The following TGFBR3 variants were observed in gnomAD, a reference collection of about 807,000 sequenced individuals.
TGFBR3 encodes transforming growth factor beta receptor 3.
In TGFBR3, 46 loss-of-function variants were observed where a neutral mutation model predicts 87.9. The ratio of observed to expected loss-of-function variants is 0.52; its 90% CI spans 0.41 to 0.67. The LOEUF (loss-of-function observed/expected upper bound fraction) is 0.67. TGFBR3 is among the 30% of genes least tolerant of loss of function. The probability of loss-of-function intolerance (pLI) is 0.00; values close to 1 mark genes in which losing one functional copy is unlikely to be tolerated. For missense variants in TGFBR3, 866 were observed against 1,041.9 expected, an observed-to-expected ratio of 0.83 and a Z score of 2.32; for synonymous variants, 381 against 391.6, an observed-to-expected ratio of 0.97 and a Z score of 0.32.
chr1:91,721,494 C>T (rs1016621882), intron 8 of TGFBR3, among the ~76,000 whole-genome samples: 2 of 152,122 alleles, frequency 1.3e-5, no homozygotes, highest in Non-Finnish European at 2.9e-5. Context: ...CAGAAAACCT[C>T]AAGAATTTGT....
chr1:91,833,683 G>A (rs1396307444), intron 2 of TGFBR3, among the ~76,000 whole-genome samples: 4 of 151,684 alleles, frequency 2.6e-5, no homozygotes, highest in Non-Finnish European at 5.9e-5. Flanking sequence ...GAGGCCTTGA[G>A]GCAGGAGAAT....
intron 2 of TGFBR3, among the ~76,000 whole-genome samples, chr1:91,858,826 G>C (rs1261639818): frequency 6.6e-6 from 1 of 151,648 alleles, no homozygotes; most frequent in Non-Finnish European, 1.5e-5. Context: ...GAGGCTGAAG[G>C]GGGTGGATCA....
intron 1 of TGFBR3, among the ~76,000 whole-genome samples, chr1:91,865,302 T>TCA (rs1429927834): frequency 1.3e-5 from 2 of 149,750 alleles, no homozygotes; most frequent in African/African-American, 5.0e-5. Flanking sequence ...AAACTTGCTT[T>TCA]CACTTAAAAA....
At chr1:91,819,788 C>T (rs184807718) in intron 2 of TGFBR3, among the ~76,000 whole-genome samples, 65 of 152,232 alleles carry the variant, frequency 4.3e-4, no homozygotes, top group Admixed American at 1.0e-3. Context: ...TCTGCTCATG[C>T]GATGATTTCA....
At chr1:91,723,218 A>G (rs1672429204) in intron 7 of TGFBR3, among the ~76,000 whole-genome samples, 1 of 152,118 alleles carries the variant, frequency 6.6e-6, no homozygotes, top group Non-Finnish European at 1.5e-5. Context: ...GCAATACTTC[A>G]CACCTATAAT....
chr1:91,758,188 C>T (rs1040012527), intron 4 of TGFBR3, among the ~76,000 whole-genome samples: 1 of 152,072 alleles, frequency 6.6e-6, no homozygotes, highest in Admixed American at 6.6e-5. Context: ...ACAAACAGAT[C>T]CTCATATCAG....
intron 14 of TGFBR3, 113 bp downstream of exon 14, chr1:91,708,550 A>G: frequency 6.4e-7 from 1 of 1,551,784 alleles, no homozygotes; most frequent in Non-Finnish European, 8.8e-7. Flanking sequence ...TAAAGTAACT[A>G]ACTGGCCCTT....
intron 4 of TGFBR3, among the ~76,000 whole-genome samples, chr1:91,746,911 C>G (rs1673369854): frequency 6.6e-6 from 1 of 152,172 alleles, no homozygotes; most frequent in Admixed American, 6.5e-5. Flanking sequence ...GAAGAGTCAG[C>G]TACCAGGCTC....
At chr1:91,846,212 G>A (rs751937907) in intron 2 of TGFBR3, among the ~76,000 whole-genome samples, 12 of 152,160 alleles carry the variant, frequency 7.9e-5, no homozygotes, top group Non-Finnish European at 1.6e-4. Flanking sequence ...TCTCTGTACC[G>A]TCTCTCTGCC....
chr1:91,831,754 G>A (rs1676863050), intron 2 of TGFBR3, among the ~76,000 whole-genome samples: 1 of 152,220 alleles, frequency 6.6e-6, no homozygotes, highest in Non-Finnish European at 1.5e-5. Flanking sequence ...ACAAAGTAAT[G>A]TGTTTCCTTT....
At chr1:91,905,055 C>T (rs768838918) in intron 1 of TGFBR3, among the ~76,000 whole-genome samples, 17 of 152,018 alleles carry the variant, frequency 1.1e-4, no homozygotes, top group South Asian at 4.2e-4. Flanking sequence ...GATTTCTGGG[C>T]GAATTAAATA....
At chr1:91,741,429 C>A (rs1673155971) in intron 4 of TGFBR3, among the ~76,000 whole-genome samples, 2 of 152,170 alleles carry the variant, frequency 1.3e-5, no homozygotes, top group Admixed American at 1.3e-4. Context: ...CAACCAGCAG[C>A]TCTCCAAACC....
chr1:91,732,802 C>G (rs1672822667), intron 5 of TGFBR3, among the ~76,000 whole-genome samples: 1 of 152,156 alleles, frequency 6.6e-6, no homozygotes, highest in African/African-American at 2.4e-5. Flanking sequence ...GCTTCCCCTA[C>G]CCAGTGTGCA....
intron 2 of TGFBR3, among the ~76,000 whole-genome samples, chr1:91,819,450 A>C (rs747051243): frequency 6.6e-6 from 1 of 152,122 alleles, no homozygotes; most frequent in East Asian, 1.9e-4. Flanking sequence ...GGGATCCCAC[A>C]GGCTAAAAAT....
intron 4 of TGFBR3, among the ~76,000 whole-genome samples, chr1:91,758,338 G>A (rs1301417628): frequency 1.3e-5 from 2 of 152,110 alleles, no homozygotes; most frequent in African/African-American, 4.8e-5. Context: ...TGAAACCAAA[G>A]CTCAGGCCAC....
chr1:91,781,844 G>C (rs1357466025), intron 3 of TGFBR3, among the ~76,000 whole-genome samples: 1 of 152,066 alleles, frequency 6.6e-6, no homozygotes, highest in Non-Finnish European at 1.5e-5. Flanking sequence ...GCTGAATCAA[G>C]AAAAAGTAAC....
intron 16 of TGFBR3, among the ~76,000 whole-genome samples, chr1:91,692,219 C>T (rs1388245904): frequency 6.6e-6 from 1 of 152,144 alleles, no homozygotes; most frequent in South Asian, 2.1e-4. Context: ...GGGAAGGGGA[C>T]ATTTTCCATA....
At chr1:91,767,003 G>A (rs1321701457) in intron 3 of TGFBR3, among the ~76,000 whole-genome samples, 2 of 133,576 alleles carry the variant, frequency 1.5e-5, no homozygotes, top group East Asian at 3.9e-4. Context: ...ACTCCTGTGG[G>A]AGATGGATTT....
intron 2 of TGFBR3, among the ~76,000 whole-genome samples, chr1:91,854,640 T>C (rs1677870206): frequency 6.6e-6 from 1 of 152,220 alleles, no homozygotes; most frequent in East Asian, 1.9e-4. Context: ...TGTGAGGTTA[T>C]GCATATGTTA....
Sources: gnomAD v4.1 joint callset for allele counts (sites outside exome capture counted in the v4.1 genomes callset) on GRCh38, gnomAD v4.1.1 for gene constraint, MANE v1.5 for transcripts, NCBI Gene and HGNC (gene_info 2026-07-23, HGNC 2026-07-21) for gene names.